Variants in SEZ6L observed in about 807,000 individuals in gnomAD.
The protein encoded by SEZ6L is seizure related 6 homolog like.
In SEZ6L, 37 loss-of-function variants were observed where a neutral mutation model predicts 106.2. The ratio of observed to expected loss-of-function variants is 0.35; its 90% confidence interval spans 0.27 to 0.46. The LOEUF (loss-of-function observed/expected upper bound fraction) is 0.46, where lower values mean the gene tolerates loss of function less well. Ranked by LOEUF, SEZ6L falls within the 20% of genes least tolerant of loss-of-function variation. SEZ6L has a pLI of 1.00. For synonymous variants in SEZ6L, 541 were observed against 570.4 expected, an observed-to-expected ratio of 0.95 and a Z score of 0.73; for missense variants, 1,172 against 1,332.8, an observed-to-expected ratio of 0.88 and a Z score of 1.88.
intron 13 of SEZ6L, among the ~76,000 whole-genome samples, chr22:26,369,458 G>A (rs11090438): frequency 6.3e-5 from 9 of 141,864 alleles, no homozygotes; most frequent in African/African-American, 1.9e-4. Flanking sequence ...CTCCTGCCTC[G>A]GCCTCCCGAG....
At chr22:26,362,489 GT>G (rs201292672) in intron 12 of SEZ6L, among the ~76,000 whole-genome samples, 1,717 of 152,250 alleles carry the variant, frequency 0.011, 44 homozygotes, top group African/African-American at 0.04. Flanking sequence ...GGTCTTCTGA[GT>G]TTCTCTCTTC....
chr22:26,188,937 G>A (rs1601978889), intron 1 of SEZ6L, among the ~76,000 whole-genome samples: 1 of 152,320 alleles, frequency 6.6e-6, no homozygotes, highest in East Asian at 1.9e-4. Context: ...AATTTCTACT[G>A]CTCTAGCATT....
At chr22:26,198,919 G>A (rs1035882301) in intron 1 of SEZ6L, among the ~76,000 whole-genome samples, 1 of 152,318 alleles carries the variant, frequency 6.6e-6, no homozygotes, top group East Asian at 1.9e-4. Flanking sequence ...CTCCCTTGTG[G>A]TTGGATGTGG....
intron 12 of SEZ6L, among the ~76,000 whole-genome samples, chr22:26,356,894 G>A (rs543149037): frequency 1.3e-5 from 2 of 151,904 alleles, no homozygotes; most frequent in South Asian, 4.2e-4. Flanking sequence ...ATGTTGAAAC[G>A]GTGAACTATC....
At chr22:26,323,457 A>AC (rs2145948788) in intron 9 of SEZ6L, among the ~76,000 whole-genome samples, 1 of 152,100 alleles carries the variant, frequency 6.6e-6, no homozygotes, top group South Asian at 2.1e-4. Context: ...ACAAAGCAAG[A>AC]CCCCGTCTCT....
At chr22:26,192,383 G>T (rs1467814687) in intron 1 of SEZ6L, among the ~76,000 whole-genome samples, 1 of 152,070 alleles carries the variant, frequency 6.6e-6, no homozygotes, top group Non-Finnish European at 1.5e-5. Context: ...CATTTAAGAA[G>T]AAGTATTAAA....
intron 1 of SEZ6L, among the ~76,000 whole-genome samples, chr22:26,219,803 G>C (rs1264005250): frequency 6.6e-6 from 1 of 152,146 alleles, no homozygotes; most frequent in Non-Finnish European, 1.5e-5. Flanking sequence ...TGTTGAGGGA[G>C]GTAGGGGAGG....
chr22:26,330,349 A>C (rs565802228), intron 9 of SEZ6L, among the ~76,000 whole-genome samples: 1 of 152,342 alleles, frequency 6.6e-6, no homozygotes, highest in East Asian at 1.9e-4. Context: ...TCGTACTTAC[A>C]GGGTTAGTCC....
chr22:26,304,376 GA>G (rs1254685898), intron 5 of SEZ6L, among the ~76,000 whole-genome samples: 27 of 65,906 alleles, frequency 4.1e-4, no homozygotes, highest in East Asian at 1.6e-3. Context: ...AAAGAAGAAA[GA>G]AAGAAAGAAA....
At chr22:26,222,061 C>G (rs1396400908) in intron 1 of SEZ6L, among the ~76,000 whole-genome samples, 1 of 152,160 alleles carries the variant, frequency 6.6e-6, no homozygotes, top group Non-Finnish European at 1.5e-5. Context: ...GCCCGGTACT[C>G]CCTCCACATA....
intron 1 of SEZ6L, among the ~76,000 whole-genome samples, chr22:26,278,884 GAAGA>G (rs141794387): frequency 0.13 from 18,105 of 141,206 alleles, 1,215 homozygotes; most frequent in Middle Eastern, 0.21. Flanking sequence ...GAAAGAAAAG[GAAGA>G]AAGAAAGAAG....
At chr22:26,174,476 G>A (rs923695685) in intron 1 of SEZ6L, among the ~76,000 whole-genome samples, 1 of 152,132 alleles carries the variant, frequency 6.6e-6, no homozygotes, top group African/African-American at 2.4e-5. Context: ...TGAACTTCAC[G>A]GGCTGGGTAG....
At chr22:26,209,693 A>G (rs2078091538) in intron 1 of SEZ6L, among the ~76,000 whole-genome samples, 1 of 149,532 alleles carries the variant, frequency 6.7e-6, no homozygotes, top group Admixed American at 6.7e-5. Context: ...CAGGAAGGGA[A>G]GGAAAAAAGA....
chr22:26,252,815 T>A (rs2079647076), intron 1 of SEZ6L, among the ~76,000 whole-genome samples: 1 of 152,252 alleles, frequency 6.6e-6, no homozygotes, highest in Non-Finnish European at 1.5e-5. Flanking sequence ...TTTTATCCAA[T>A]CCATCATTGA....
chr22:26,333,667 G>C (rs2082557369), intron 9 of SEZ6L, among the ~76,000 whole-genome samples: 1 of 152,138 alleles, frequency 6.6e-6, no homozygotes, highest in Admixed American at 6.5e-5. Context: ...AGCAGTGAGT[G>C]AGACATGGGA....
intron 1 of SEZ6L, among the ~76,000 whole-genome samples, chr22:26,195,791 A>G (rs577407603): frequency 7.5e-5 from 11 of 146,136 alleles, no homozygotes; most frequent in Non-Finnish European, 1.2e-4. Flanking sequence ...TAGTGTGTGT[A>G]TATATATATA....
intron 1 of SEZ6L, among the ~76,000 whole-genome samples, chr22:26,211,510 C>G (rs1032496429): frequency 1.3e-5 from 2 of 152,180 alleles, no homozygotes; most frequent in Admixed American, 6.5e-5. Context: ...GCAACTGGAG[C>G]TGCAACAATA....
At chr22:26,178,180 T>C (rs1939149647) in intron 1 of SEZ6L, among the ~76,000 whole-genome samples, 1 of 152,172 alleles carries the variant, frequency 6.6e-6, no homozygotes, top group African/African-American at 2.4e-5. Context: ...AAAGAGGCTT[T>C]GGTAGAAGTG....
intron 1 of SEZ6L, among the ~76,000 whole-genome samples, chr22:26,190,122 A>AAAAAG (rs1009936898): frequency 1.3e-5 from 2 of 151,604 alleles, no homozygotes; most frequent in Non-Finnish European, 2.9e-5. Context: ...AAAGAAAAGA[A>AAAAAG]AAAAGAAAAG....
Sources: gnomAD v4.1 joint callset for allele counts (sites outside exome capture counted in the v4.1 genomes callset) on GRCh38, gnomAD v4.1.1 for gene constraint, MANE v1.5 for transcripts, NCBI Gene and HGNC (gene_info 2026-07-23, HGNC 2026-07-21) for gene names.